The following ZNF2 variants were observed in gnomAD, a reference collection of about 807,000 sequenced individuals.
The protein encoded by ZNF2 is zinc finger protein 2, also known as zinc finger protein 2.2.
A neutral mutation model predicts 21.9 loss-of-function variants in ZNF2; 12 were observed. That is an observed-to-expected ratio of 0.55 (90% CI 0.35 to 0.89). The LOEUF (loss-of-function observed/expected upper bound fraction) is 0.89. ZNF2 is among the 40% of genes least tolerant of loss of function. The probability of loss-of-function intolerance (pLI) is 0.01; values close to 1 mark genes in which losing one functional copy is unlikely to be tolerated. For synonymous variants in ZNF2, 186 were observed against 196.3 expected, an observed-to-expected ratio of 0.95 and a Z score of 0.44; for missense variants, 462 against 544.2, an observed-to-expected ratio of 0.85 and a Z score of 1.50.
chr2:95,178,459 G>A (rs1217574109), intron 3 of ZNF2, among the ~76,000 whole-genome samples: 4 of 152,134 alleles, frequency 2.6e-5, no homozygotes, highest in Non-Finnish European at 5.9e-5. Context: ...TTTGTTACAG[G>A]CTTTAGTAGA....
At position 95,181,647 on chromosome 2, in the gene ZNF2, TC is replaced by T; in HGVS notation, c.820del (p.Arg274AspfsTer32). ...KAFFDRSSLT[R>X]HQRIHTGESP... ...CCTTTTTTGACCGTTCATCCCTTAC[TC>T]GACACCAGAGAATTCACACTGGAGA... is the stretch of plus-strand genomic sequence containing the variant. On this transcript the variant is annotated frameshift_variant, in exon 5 of 5. Transcript: ENST00000614034. LOFTEE classifies it low-confidence loss of function (END_TRUNC). The T allele has an allele frequency of 6.2e-7, 1 of 1,614,064 alleles. No homozygotes were observed. Among genetic ancestry groups the T allele is most frequent in the Non-Finnish European group, 8.5e-7 (1 of 1,180,012 alleles).
rs774002600 is a variant in ZNF2, at chr2:95,181,190, T to C, written c.362T>C (p.Leu121Pro). The C allele has an allele frequency of 6.2e-7, 1 of 1,614,234 alleles. No individual in the cohort carries two copies. The highest frequency in any genetic ancestry group is 8.5e-7 in the Non-Finnish European group (1 of 1,180,044). The change falls in exon 5 of 5, where the codon CTG (leucine) becomes CCG (proline). Residue 121 changes from leucine to proline, a missense_variant. Physicochemically the swap from Leu to Pro is moderately conservative, Grantham distance 98 (BLOSUM62 -3). Transcript: ENST00000614034. Reference sequence around the variant, plus strand: ...GAATGCCTTGGAAGGCAAAGTCCTCTGTGTCCTAAATTTGAAGTTCATACA... The same window carrying C: ...GAATGCCTTGGAAGGCAAAGTCCTCCGTGTCCTAAATTTGAAGTTCATACA... ...LRECLGRQSP[L>P]CPKFEVHTPN...
intron 1 of ZNF2, among the ~76,000 whole-genome samples, chr2:95,173,847 T>C (rs539653316): frequency 2.4e-3 from 371 of 152,316 alleles, no homozygotes; most frequent in Middle Eastern, 6.8e-3. Flanking sequence ...TAGCTGGGAC[T>C]AAAGGCACAC....
chr2:95,166,927 T>C (rs1674066394), intron 1 of ZNF2, among the ~76,000 whole-genome samples: 1 of 152,160 alleles, frequency 6.6e-6, no homozygotes, highest in East Asian at 1.9e-4. Context: ...TGCAATACAG[T>C]TGTATTGTAA....
At chr2:95,177,426 T>G in intron 2 of ZNF2, 57 bp from the exon 3 acceptor site, 1 of 1,579,282 alleles carries the variant, frequency 6.3e-7, no homozygotes, top group Non-Finnish European at 8.6e-7. Context: ...ACATTTTTGG[T>G]CTGGTCCAAG....
chr2:95,176,587 A>G (rs1674451813), intron 2 of ZNF2, among the ~76,000 whole-genome samples: 2 of 152,134 alleles, frequency 1.3e-5, no homozygotes, highest in South Asian at 2.1e-4. Flanking sequence ...TGGTACATTC[A>G]TGTGTGGACT....
intron 1 of ZNF2, among the ~76,000 whole-genome samples, chr2:95,172,948 T>G (rs79812208): frequency 1.3e-5 from 2 of 151,532 alleles, no homozygotes; most frequent in East Asian, 1.9e-4. Context: ...TTCTTTGTGG[T>G]TTTTTTTCAG....
At chr2:95,171,284 C>T (rs1050282645) in intron 1 of ZNF2, among the ~76,000 whole-genome samples, 1 of 152,044 alleles carries the variant, frequency 6.6e-6, no homozygotes, top group African/African-American at 2.4e-5. Context: ...TGAACGGCAT[C>T]GTTATCCATG....
chr2:95,174,961 C>T (rs1276591616), intron 1 of ZNF2, among the ~76,000 whole-genome samples: 1 of 152,202 alleles, frequency 6.6e-6, no homozygotes, highest in African/African-American at 2.4e-5. Flanking sequence ...TTTTCCTCCT[C>T]CTCACCAGGA....
In ZNF2 at chr2:95,181,894, C is replaced by G. The variant is rs1165396460; in HGVS notation, c.1066C>G (p.Leu356Val). 1 of 1,614,108 alleles carries G rather than the reference C, an allele frequency of 6.2e-7. No individual in the cohort carries two copies. The highest frequency in any genetic ancestry group is 8.5e-7 in the Non-Finnish European group (1 of 1,180,016). The part of the protein sequence containing the change: ...CGKAFFDRSS[L>V]TQHQKIHTGD... The stretch of plus-strand genomic sequence containing the variant: ...CAAAGCTTTCTTTGACCGCTCATCC[C>G]TTACACAGCATCAGAAGATCCACAC... Residue 356 changes from leucine to valine, a missense_variant, in exon 5 of 5, where the codon CTT becomes GTT. Physicochemically the swap from Leu to Val is conservative, Grantham distance 32. Transcript: ENST00000614034.
Position 95,180,223 on chromosome 2 carries a change from A to C in ZNF2, c.225A>C (p.Val75=). 6.2e-7 allele frequency: 1 copy of C among 1,614,116 alleles called. No homozygotes were observed. Among genetic ancestry groups the C allele is most frequent in the Non-Finnish European group, 8.5e-7 (1 of 1,179,962 alleles). Residue 75 remains valine (V), a synonymous_variant, in exon 4 of 5, where the codon GTA becomes GTC. Transcript: ENST00000614034. ...QLKRGDKPWM[V]DLHGSEEREW... ...AGAGAGGGGACAAGCCGTGGATGGT[A>C]GATCTTCATGGGTCTGAGGAGAGAG...
At chr2:95,177,653 ATG>A (rs780408963) in intron 3 of ZNF2, 44 bp downstream of exon 3, 2 of 1,577,760 alleles carry the variant, frequency 1.3e-6, no homozygotes, top group South Asian at 2.3e-5. Context: ...TACTATGCTA[ATG>A]TGGGGCTGAG....
At chr2:95,177,697 C>T (rs768276617) in intron 3 of ZNF2, 88 bp downstream of exon 3, 41 of 1,480,196 alleles carry the variant, frequency 2.8e-5, no homozygotes, top group African/African-American at 7.1e-5. Context: ...TTCTCCTCCC[C>T]GCTGAGTTCT....
rs745543447 is a variant in ZNF2, at chr2:95,181,574, G to A, written c.746G>A (p.Arg249Gln). The A allele has an allele frequency of 9.3e-6, 15 of 1,614,046 alleles. No homozygotes were observed. Among genetic ancestry groups the A allele is most frequent in the Admixed American group, 8.3e-5 (5 of 60,002 alleles). ...CGTTCGTCCCTAACTGTCCATCAGC[G>A]AATTCACACTGGAGAGAAACCCTTT... ...FDRSSLTVHQ[R>Q]IHTGEKPFQC... The change falls in exon 5 of 5, where the codon CGA becomes CAA. Residue 249 changes from arginine to glutamine, a missense_variant. Physicochemically the swap from Arg to Gln is conservative, Grantham distance 43. Coordinates refer to ENST00000614034, the MANE Select transcript of ZNF2 (RefSeq NM_021088.4).
chr2:95,181,980 C>T lies in ZNF2; in HGVS notation c.1152C>T (p.Leu384=). The T allele has an allele frequency of 6.2e-7, 1 of 1,614,286 alleles. No individual in the cohort carries two copies. Among genetic ancestry groups the T allele is most frequent in the Non-Finnish European group, 8.5e-7 (1 of 1,180,054 alleles). The change falls in exon 5 of 5, where the codon CTC becomes CTT. Residue 384 remains leucine, a synonymous_variant. Transcript: ENST00000614034. ...AAGCCTTTAGCCAGCGGTGCCGGCT[C>T]ACGCGGCATCAGCGTGTCCACACGG... ...CGKAFSQRCR[L]TRHQRVHTGE...
intron 3 of ZNF2, 77 bp from the exon 4 acceptor site, chr2:95,180,082 C>A: frequency 2.0e-6 from 2 of 1,020,600 alleles, no homozygotes; most frequent in Non-Finnish European, 3.1e-6. Context: ...ATCTTAGAGG[C>A]TGGGATTGAG....
Position 95,182,198 on chromosome 2 carries a change from A to G in ZNF2, c.*92A>G. ...AAGCTGCCATTTGCTCATTCTACCC[A>G]CTCTGGCTGCCGTTGTCCTGTCCTG... is the stretch of plus-strand genomic sequence containing the variant. On this transcript the variant is annotated 3_prime_UTR_variant, in exon 5 of 5. Transcript: ENST00000614034. 1 of 1,473,612 alleles carries G rather than the reference A, an allele frequency of 6.8e-7. No homozygotes were observed. Among genetic ancestry groups the G allele is most frequent in the Non-Finnish European group, 9.1e-7 (1 of 1,102,378 alleles). The allele number at this position is 1,473,612 out of a possible 1,614,324, so 91.3% of individuals were successfully genotyped here.
intron 3 of ZNF2, among the ~76,000 whole-genome samples, 155 bp from the exon 4 acceptor site, chr2:95,180,004 C>A (rs1346156921): frequency 1.3e-5 from 2 of 152,166 alleles, no homozygotes; most frequent in Non-Finnish European, 2.9e-5. Context: ...TTGCAGTGAG[C>A]CGAGATCAGG....
At chr2:95,180,951 A>G in intron 4 of ZNF2, 152 bp from the exon 5 acceptor site, 2 of 881,350 alleles carry the variant, frequency 2.3e-6, no homozygotes, top group Admixed American at 2.8e-5. Flanking sequence ...CTTCACTCCC[A>G]GGTCTTAGTC....
Sources: gnomAD v4.1 joint callset for allele counts (sites outside exome capture counted in the v4.1 genomes callset) on GRCh38, gnomAD v4.1.1 for gene constraint, MANE v1.5 for transcripts, NCBI Gene and HGNC (gene_info 2026-07-23, HGNC 2026-07-21) for gene names.